The following CYP4Z1 variants were observed in gnomAD, a reference collection of about 807,000 sequenced individuals.
CYP4Z1 encodes cytochrome P450 4Z1.
CYP4Z1 carries 41 observed loss-of-function variants against 54.2 expected under a neutral mutation model. The ratio of observed to expected loss-of-function variants is 0.76; its 90% confidence interval spans 0.59 to 0.98. The LOEUF (loss-of-function observed/expected upper bound fraction) is 0.98, where lower values mean the gene tolerates loss of function less well. Ranked by LOEUF, CYP4Z1 falls within the 50% of genes least tolerant of loss-of-function variation. The pLI, the probability that CYP4Z1 is intolerant of heterozygous loss-of-function variation, is 0.00. For missense variants in CYP4Z1, 513 were observed against 599.0 expected, an observed-to-expected ratio of 0.86 and a Z score of 1.50; for synonymous variants, 163 against 206.2, an observed-to-expected ratio of 0.79 and a Z score of 1.79.
intron 9 of CYP4Z1, among the ~76,000 whole-genome samples, chr1:47,113,908 C>T (rs1280312269): frequency 6.6e-6 from 1 of 152,290 alleles, no homozygotes; most frequent in East Asian, 1.9e-4. Context: ...CCCTATCAAG[C>T]TACCAATGAC....
At chr1:47,112,684 T>C (rs1644802085) in intron 9 of CYP4Z1, among the ~76,000 whole-genome samples, 1 of 151,232 alleles carries the variant, frequency 6.6e-6, no homozygotes, top group Admixed American at 6.6e-5. Context: ...CTTTGTGAGG[T>C]CAAGGTGGGA....
At chr1:47,057,338 ATAT>A in the CYP4Z1 span, among the ~76,000 whole-genome samples, 312 of 72,580 alleles carry the variant, frequency 4.3e-3, 21 homozygotes, top group Non-Finnish European at 5.7e-3. Context: ...AAAAAAAAAT[ATAT>A]ATATATATAT....
the CYP4Z1 span, among the ~76,000 whole-genome samples, chr1:47,058,272 TATTATA>T: frequency 1.3e-5 from 2 of 152,066 alleles, no homozygotes; most frequent in African/African-American, 4.8e-5. Context: ...TAATTATTTT[TATTATA>T]ATTATAATTT....
intron 7 of CYP4Z1, among the ~76,000 whole-genome samples, chr1:47,098,160 C>T (rs1216633376): frequency 6.6e-6 from 1 of 152,136 alleles, no homozygotes; most frequent in Non-Finnish European, 1.5e-5. Context: ...TGAAGAATCT[C>T]AATAGTAGTT....
At chr1:47,076,902 G>A (rs994480605) in intron 2 of CYP4Z1, among the ~76,000 whole-genome samples, 87 of 147,876 alleles carry the variant, frequency 5.9e-4, no homozygotes, top group East Asian at 2.2e-3. Context: ...GAATTTTCCC[G>A]TTTTACTTCT....
chr1:47,074,501 C>T (rs1334474901), intron 2 of CYP4Z1, among the ~76,000 whole-genome samples: 2 of 152,138 alleles, frequency 1.3e-5, no homozygotes, highest in Non-Finnish European at 2.9e-5. Context: ...TTTTTTCCCC[C>T]TTTGGTACAT....
At chr1:47,098,994 A>G in intron 7 of CYP4Z1, 100 bp from the exon 8 acceptor site, 2 of 1,408,088 alleles carry the variant, frequency 1.4e-6, no homozygotes, top group South Asian at 2.5e-5. Flanking sequence ...ATTAATTTTG[A>G]ATTTTACAAC....
At chr1:47,100,427 T>C (rs1644712854) in intron 8 of CYP4Z1, among the ~76,000 whole-genome samples, 1 of 152,236 alleles carries the variant, frequency 6.6e-6, no homozygotes, top group Admixed American at 6.5e-5. Flanking sequence ...TTTAAATTGA[T>C]GCCATTCTGA....
chr1:47,068,547 A>T, intron 1 of CYP4Z1, 75 bp from the exon 2 acceptor site: 4 of 1,563,778 alleles, frequency 2.6e-6, no homozygotes, highest in Non-Finnish European at 3.5e-6. Flanking sequence ...AACTTAGCAC[A>T]TGGTCCATCC....
At chr1:47,069,445 G>A (rs1205262178) in intron 2 of CYP4Z1, among the ~76,000 whole-genome samples, 2 of 151,970 alleles carry the variant, frequency 1.3e-5, no homozygotes, top group Non-Finnish European at 2.9e-5. Context: ...CAAGCAGCCT[G>A]TGGCTCTCTC....
At chr1:47,103,183 T>TC (rs1553156830) in intron 8 of CYP4Z1, among the ~76,000 whole-genome samples, 4 of 151,624 alleles carry the variant, frequency 2.6e-5, no homozygotes, top group African/African-American at 7.3e-5. Flanking sequence ...TCTGTTCAGT[T>TC]CCTTTTTTTT....
intron 10 of CYP4Z1, among the ~76,000 whole-genome samples, chr1:47,116,068 A>C (rs1485259463): frequency 6.6e-6 from 1 of 152,032 alleles, no homozygotes; most frequent in Non-Finnish European, 1.5e-5. Context: ...TGAAAGGGAG[A>C]GGGGGCCTGG....
At chr1:47,086,676 G>C in intron 6 of CYP4Z1, among the ~76,000 whole-genome samples, 1 of 152,258 alleles carries the variant, frequency 6.6e-6, no homozygotes, top group Non-Finnish European at 1.5e-5. Flanking sequence ...TTCTTTTGCT[G>C]TGCAGAAGCT....
At position 47,115,524 on chromosome 1, in the gene CYP4Z1, C is replaced by T; in HGVS notation, c.1202-5C>T. On this transcript the variant is annotated splice_polypyrimidine_tract_variant and splice_region_variant and intron_variant, in intron 9 of 11. Coordinates refer to ENST00000334194, the MANE Select transcript of CYP4Z1 (RefSeq NM_178134.3). ...ACTTACCTGCTTTTTCTTCTGTTTA[C>T]TCAGGAATAACTGTGTTTATCAATA... 3 of 1,611,242 alleles carry T rather than the reference C, an allele frequency of 1.9e-6. No individual in the cohort carries two copies. The highest frequency in any genetic ancestry group is 2.5e-6 in the Non-Finnish European group (3 of 1,178,674).
chr1:47,103,670 C>G (rs1644737254), intron 8 of CYP4Z1, among the ~76,000 whole-genome samples: 2 of 143,444 alleles, frequency 1.4e-5, no homozygotes, highest in South Asian at 4.6e-4. Context: ...TCTTGGCTCA[C>G]TGCATTCTCC....
At chr1:47,055,652 G>A in the CYP4Z1 span, among the ~76,000 whole-genome samples, 1 of 152,202 alleles carries the variant, frequency 6.6e-6, no homozygotes, top group Admixed American at 6.5e-5. Context: ...TCTTGGGAGG[G>A]TGTATGTGTC....
At chr1:47,107,517 C>T (rs1050260441) in intron 9 of CYP4Z1, among the ~76,000 whole-genome samples, 4 of 151,992 alleles carry the variant, frequency 2.6e-5, no homozygotes, top group Admixed American at 6.6e-5. Context: ...ATATTGCATC[C>T]ATACACATAA....
At chr1:47,098,950 A>C in intron 7 of CYP4Z1, 144 bp from the exon 8 acceptor site, 3 of 972,224 alleles carry the variant, frequency 3.1e-6, no homozygotes, top group Non-Finnish European at 4.5e-6. Context: ...GTTTGAAAAA[A>C]GTAAAATAGA....
chr1:47,074,437 A>G (rs1465509942), intron 2 of CYP4Z1, among the ~76,000 whole-genome samples: 1 of 152,020 alleles, frequency 6.6e-6, no homozygotes, highest in Non-Finnish European at 1.5e-5. Context: ...TAATTCACTT[A>G]GGATAATGTC....
Sources: allele counts gnomAD v4.1 joint callset (sites outside exome capture counted in the v4.1 genomes callset), GRCh38; gene constraint gnomAD v4.1.1; transcripts MANE v1.5; gene names NCBI Gene and HGNC (gene_info 2026-07-23, HGNC 2026-07-21).